Variants in ARSB observed in about 807,000 individuals in gnomAD.
The protein encoded by ARSB is arylsulfatase B, also known as N-acetylgalactosamine-4-sulfatase.
A neutral mutation model predicts 50.9 loss-of-function variants in ARSB; 41 were observed. That is an observed-to-expected ratio of 0.81 (90% confidence interval 0.63 to 1.04). The LOEUF (loss-of-function observed/expected upper bound fraction) is 1.04. Among genes scored for constraint, ARSB ranks in the 50% least tolerant of loss-of-function variants. ARSB has a pLI of 0.00. For missense variants in ARSB, 672 were observed against 693.3 expected, an observed-to-expected ratio of 0.97 and a Z score of 0.35; for synonymous variants, 269 against 284.8, an observed-to-expected ratio of 0.94 and a Z score of 0.56.
chr5:78,841,895 A>C (rs1309843676), intron 5 of ARSB, among the ~76,000 whole-genome samples: 1 of 152,210 alleles, frequency 6.6e-6, no homozygotes, highest in African/African-American at 2.4e-5. Context: ...TTGTCATTCT[A>C]CTTTTAAAAT....
intron 4 of ARSB, among the ~76,000 whole-genome samples, chr5:78,907,712 C>T (rs4704534): frequency 0.31 from 46,380 of 151,962 alleles, 7,333 homozygotes; most frequent in African/African-American, 0.37. Context: ...GGGGAGGCCA[C>T]GGGTAGAGCG....
intron 5 of ARSB, among the ~76,000 whole-genome samples, chr5:78,869,549 G>A (rs1376064592): frequency 2.4e-4 from 36 of 149,470 alleles, no homozygotes; most frequent in East Asian, 1.6e-3. Context: ...TGAACAACCT[G>A]CTCCTGAATG....
chr5:78,832,014 C>T (rs1248361388), intron 6 of ARSB, among the ~76,000 whole-genome samples: 2 of 151,866 alleles, frequency 1.3e-5, no homozygotes, highest in Non-Finnish European at 2.9e-5. Flanking sequence ...ATGTATTAAT[C>T]TCTTATACAT....
chr5:78,976,095 T>C (rs1282239981), intron 1 of ARSB, among the ~76,000 whole-genome samples: 2 of 152,036 alleles, frequency 1.3e-5, no homozygotes, highest in Non-Finnish European at 2.9e-5. Context: ...ATAAAATCGA[T>C]TTTCTCATAT....
At chr5:78,906,029 T>C (rs977252618) in intron 4 of ARSB, among the ~76,000 whole-genome samples, 1 of 150,750 alleles carries the variant, frequency 6.6e-6, no homozygotes, top group African/African-American at 2.4e-5. Context: ...ACAACACCAA[T>C]GCAGATCTTC....
chr5:78,895,568 G>A (rs1748527808), intron 4 of ARSB, among the ~76,000 whole-genome samples: 1 of 152,166 alleles, frequency 6.6e-6, no homozygotes, highest in Non-Finnish European at 1.5e-5. Flanking sequence ...ACAACGATAA[G>A]CACATGAAAA....
rs201718656 is a variant in ARSB, at chr5:78,816,061, A to T, written c.1213+23295T>A. The T allele has an allele frequency of 1.4e-5, 22 of 1,614,126 alleles. No individual in the cohort carries two copies. In the East Asian group the frequency reaches 4.7e-4, roughly 34 times the overall value. On this transcript the variant is annotated intron_variant, in intron 6 of 7. Transcript: ENST00000264914. ...GTCATTTCTTATGCCCTGGGTTATC[A>T]TCTTCAGTAGAAAGTTGGTGGTAGC... is the stretch of plus-strand genomic sequence containing the variant.
chr5:78,965,326 A>G (rs546831729), intron 2 of ARSB, among the ~76,000 whole-genome samples: 56 of 152,220 alleles, frequency 3.7e-4, no homozygotes, highest in Non-Finnish European at 6.3e-4. Flanking sequence ...CATCTTTTCT[A>G]TATTTTAAAA....
At chr5:78,880,890 C>T (rs555841538) in intron 5 of ARSB, among the ~76,000 whole-genome samples, 132 of 152,262 alleles carry the variant, frequency 8.7e-4, no homozygotes, top group South Asian at 2.1e-3. Context: ...CATTACTCCT[C>T]TGATTTAGAC....
At chr5:78,846,576 T>C (rs926074064) in intron 5 of ARSB, among the ~76,000 whole-genome samples, 10 of 152,224 alleles carry the variant, frequency 6.6e-5, no homozygotes, top group Admixed American at 5.2e-4. Flanking sequence ...ATAGAAATGC[T>C]ACTGATTTCT....
chr5:78,969,105 T>C lies in ARSB; in HGVS notation c.400A>G (p.Lys134Glu). Residue 134 changes from lysine to glutamate, a missense_variant, in exon 2 of 8, where the codon AAA (lysine) becomes GAA (glutamate). Transcript: ENST00000264914. ...LDEKLLPQLLKEAGYTTHMVG... is the reference protein window; with the variant it reads ...LDEKLLPQLLEEAGYTTHMVG... ...ATATGGGTAGTATAACCTGCTTCTT[T>C]TAGGAGCTGGGGCAGGAGTTTTTCA... 1 of 1,614,150 alleles carries C rather than the reference T, an allele frequency of 6.2e-7. No homozygotes were observed. Among genetic ancestry groups the C allele is most frequent in the Non-Finnish European group, 8.5e-7 (1 of 1,180,028 alleles).
chr5:78,888,425 T>C (rs1041883491), intron 4 of ARSB, among the ~76,000 whole-genome samples: 2 of 152,134 alleles, frequency 1.3e-5, no homozygotes, highest in African/African-American at 4.8e-5. Flanking sequence ...TGGAAAGAAA[T>C]ACCTACACTC....
intron 4 of ARSB, among the ~76,000 whole-genome samples, chr5:78,935,914 C>A: frequency 7.4e-6 from 1 of 134,918 alleles, no homozygotes; most frequent in Non-Finnish European, 1.6e-5. Flanking sequence ...TTTTCGTTCT[C>A]TCTCCTCCCC....
chr5:78,846,520 C>T (rs1745451516), intron 5 of ARSB, among the ~76,000 whole-genome samples: 1 of 152,040 alleles, frequency 6.6e-6, no homozygotes, highest in South Asian at 2.1e-4. Context: ...TATGAGATAT[C>T]TTTTCATTTT....
intron 4 of ARSB, among the ~76,000 whole-genome samples, chr5:78,950,162 C>T (rs1751436951): frequency 6.6e-6 from 1 of 152,120 alleles, no homozygotes; most frequent in Non-Finnish European, 1.5e-5. Flanking sequence ...ATGGTGTCTT[C>T]CTAACAGCCA....
At chr5:78,791,092 G>T (rs1749221847) in intron 6 of ARSB, among the ~76,000 whole-genome samples, 1 of 152,160 alleles carries the variant, frequency 6.6e-6, no homozygotes, top group Non-Finnish European at 1.5e-5. Context: ...TAACCCATCT[G>T]ACTTTCCCTG....
chr5:78,881,735 C>G (rs1283358270), intron 5 of ARSB, among the ~76,000 whole-genome samples: 1 of 152,196 alleles, frequency 6.6e-6, no homozygotes, highest in Non-Finnish European at 1.5e-5. Flanking sequence ...ATTGATACAG[C>G]CTTTTTAGAA....
chr5:78,784,873 A>T (rs1749035930), intron 6 of ARSB, among the ~76,000 whole-genome samples: 1 of 145,670 alleles, frequency 6.9e-6, no homozygotes, highest in African/African-American at 2.6e-5. Flanking sequence ...ATCTTGGCTC[A>T]CTGCAACCTC....
At chr5:78,944,254 G>A (rs1016030964) in intron 4 of ARSB, among the ~76,000 whole-genome samples, 6 of 152,046 alleles carry the variant, frequency 3.9e-5, no homozygotes, top group South Asian at 2.1e-4. Context: ...AAGTTTGATC[G>A]TCTGAAGCCT....
Sources: allele counts gnomAD v4.1 joint callset (sites outside exome capture counted in the v4.1 genomes callset), GRCh38; gene constraint gnomAD v4.1.1; transcripts MANE v1.5; gene names NCBI Gene and HGNC (gene_info 2026-07-23, HGNC 2026-07-21).